Variants in ADGRL1 observed in about 807,000 individuals in gnomAD.
The protein encoded by ADGRL1 is CIRL-1.
ADGRL1 carries 31 observed loss-of-function variants against 148.9 expected under a neutral mutation model. That is an observed-to-expected ratio of 0.21 (90% CI 0.16 to 0.28). The LOEUF (loss-of-function observed/expected upper bound fraction) is 0.28, where lower values mean the gene tolerates loss of function less well. ADGRL1 is among the 10% of genes least tolerant of loss of function. The pLI, the probability that ADGRL1 is intolerant of heterozygous loss-of-function variation, is 1.00. For missense variants in ADGRL1, 1,521 were observed against 2,058.8 expected (o/e 0.74, Z 5.05); for synonymous variants, 937 against 900.3 (o/e 1.04, Z -0.73).
At position 14,155,314 on chromosome 19, in the gene ADGRL1, C is replaced by T. The variant is rs764350201; in HGVS notation, c.3294+45G>A. On this transcript the variant is annotated intron_variant, in intron 18 of 22. Coordinates refer to ENST00000361434, the MANE Select transcript of ADGRL1 (RefSeq NM_014921.5). The surrounding 1 kb of genome is among the most constrained non-coding windows in gnomAD (Gnocchi z 5.0). ...CGCCTTCTCCTGGGTACCCAGGAAA[C>T]GTCTCCAAGGGAGGCTGTGACCCAG... is the stretch of plus-strand genomic sequence containing the variant. 4 of 1,599,372 alleles carry T rather than the reference C, an allele frequency of 2.5e-6. No individual in the cohort carries two copies. The highest frequency in any genetic ancestry group is 3.4e-5 in the Admixed American group (2 of 58,966).
chr19:14,167,832 C>G (rs1970123582), intron 4 of ADGRL1, among the ~76,000 whole-genome samples: 1 of 152,120 alleles, frequency 6.6e-6, no homozygotes. Flanking sequence ...TCCCAGGCTC[C>G]CCAGGGGCAA....
chr19:14,166,792 C>G (rs1970014736), intron 4 of ADGRL1, among the ~76,000 whole-genome samples: 1 of 152,122 alleles, frequency 6.6e-6, no homozygotes, highest in South Asian at 2.1e-4. Context: ...GAAAATCCTG[C>G]CCAAGCTCAG....
At chr19:14,184,824 C>A (rs962226346) in intron 1 of ADGRL1, among the ~76,000 whole-genome samples, 34 of 151,342 alleles carry the variant, frequency 2.2e-4, no homozygotes, top group Non-Finnish European at 4.0e-4. Context: ...TATTTTTAGT[C>A]GAGATGGGGT....
At chr19:14,200,545 C>T (rs1490933889) in intron 1 of ADGRL1, among the ~76,000 whole-genome samples, 2 of 152,194 alleles carry the variant, frequency 1.3e-5, no homozygotes, top group African/African-American at 2.4e-5. Context: ...GTCTGCGGCC[C>T]GCAAAGCTTG....
chr19:14,196,436 T>C (rs1384106984), intron 1 of ADGRL1, among the ~76,000 whole-genome samples: 1 of 152,082 alleles, frequency 6.6e-6, no homozygotes, highest in Admixed American at 6.6e-5. Context: ...CTGGGGAACA[T>C]AGTGAAACCT....
intron 1 of ADGRL1, among the ~76,000 whole-genome samples, chr19:14,199,402 T>C (rs1460100780): frequency 2.0e-5 from 3 of 151,422 alleles, no homozygotes; most frequent in African/African-American, 7.3e-5. Flanking sequence ...GCTATGAGTG[T>C]GTGTGGGTTT....
Position 14,158,796 on chromosome 19 carries a change from G to A in ADGRL1, c.2150-244C>T, listed in dbSNP as rs556467120. 7.9e-5 allele frequency among the ~76,000 whole-genome samples: 12 copies of A among 152,296 alleles called. No individual in the cohort carries two copies. In the South Asian group the frequency reaches 8.3e-4, roughly 11 times the overall value. On this transcript the variant is annotated intron_variant, in intron 11 of 22. Transcript: ENST00000361434. ...GCCAGGACACACAAGCTGGGCCTCC[G>A]ACCCACCCATTCTCACTGTGTGACC...
At chr19:14,153,257 C>CA (rs1294984699) in intron 18 of ADGRL1, among the ~76,000 whole-genome samples, 10 of 152,114 alleles carry the variant, frequency 6.6e-5, no homozygotes, top group East Asian at 3.8e-4. Context: ...ACAACAGACA[C>CA]AAATCCCTAC....
Position 14,151,599 on chromosome 19 carries a change from G to A in ADGRL1, c.3684C>T (p.Gly1228=), listed in dbSNP as rs751020619. Residue 1228 remains glycine, a synonymous_variant, in exon 23 of 23, where the codon GGC becomes GGT. Transcript: ENST00000361434. ...GGGTGTCCATGCCACAGGCTTCCCG[G>A]CCTCCCAAGGGGTGCTCTGCAGGGC... The part of the protein sequence containing the change: ...SYREPKHPLG[G]REACGMDTLP... 6 of 1,602,304 alleles carry A rather than the reference G, an allele frequency of 3.7e-6. No homozygotes were observed. Among genetic ancestry groups the A allele is most frequent in the Admixed American group, 1.7e-5 (1 of 59,424 alleles).
In ADGRL1 at chr19:14,162,331, C is replaced by T. The variant is rs1305262516; in HGVS notation, c.1195+275G>A. Among the ~76,000 whole-genome samples the T allele has an allele frequency of 6.6e-6, 1 of 152,174 alleles. No individual in the cohort carries two copies. Among genetic ancestry groups the T allele is most frequent in the East Asian group, 1.9e-4 (1 of 5,198 alleles). On this transcript the variant is annotated intron_variant, in intron 5 of 22. Transcript: ENST00000361434. The surrounding 1 kb of genome is among the most constrained non-coding windows in gnomAD (Gnocchi z 5.4). The stretch of plus-strand genomic sequence containing the variant: ...AGTTCAGTGGTTGGGAGGCTGGGTT[C>T]AAATCCTCAAATAACTTAATCCCCT...
In ADGRL1 at chr19:14,158,128, C is replaced by T. The variant is rs1968957790; in HGVS notation, c.2365-76G>A. On this transcript the variant is annotated intron_variant, in intron 12 of 22. Coordinates refer to ENST00000361434, the MANE Select transcript of ADGRL1 (RefSeq NM_014921.5). ...TCCCATTCCGACCCCCCACACCTGG[C>T]AACAGGGATGGTACCAAGTATCAAA... The T allele has an allele frequency of 3.4e-6, 5 of 1,479,556 alleles. No homozygotes were observed. In the South Asian group the frequency reaches 5.9e-5, roughly 18 times the overall value. 91.7% of individuals were successfully genotyped at this position (1,479,556 alleles called of 1,614,324 possible).
Position 14,158,444 on chromosome 19 carries a change from C to T in ADGRL1, c.2258G>A (p.Gly753Asp). Residue 753 changes from glycine (G) to aspartate (D), a missense_variant, in exon 12 of 23, where the codon GGC (glycine) becomes GAC (aspartate). Transcript: ENST00000361434. ...CTGTGAGTTCACCACTAGAGAGGCG[C>T]CCCCAGGGCCACCCGGGCCTGCTTC... ...AGEAGPGGPG[G>D]ASLVVNSQVI... 6.2e-7 allele frequency: 1 copy of T among 1,613,798 alleles called. No homozygotes were observed.
At chr19:14,199,079 T>C (rs1445603130) in intron 1 of ADGRL1, among the ~76,000 whole-genome samples, 1 of 152,156 alleles carries the variant, frequency 6.6e-6, no homozygotes, top group Non-Finnish European at 1.5e-5. Context: ...GACAGGGGCA[T>C]GGTGCCTAGC....
chr19:14,196,278 T>A (rs540983399), intron 1 of ADGRL1, among the ~76,000 whole-genome samples: 16 of 152,346 alleles, frequency 1.1e-4, no homozygotes, highest in African/African-American at 3.6e-4. Context: ...GAACCCTCCG[T>A]GGCTCCCACC....
chr19:14,159,170 A>C lies in ADGRL1; in HGVS notation c.2069T>G (p.Leu690Arg), dbSNP rs1237651261. The change falls in exon 11 of 23, where the codon CTG becomes CGG. Residue 690 changes from leucine to arginine, a missense_variant. By Grantham distance (102) the Leu-to-Arg change is moderately radical (BLOSUM62 -2). Around this residue, in one of 8 missense-constraint regions of ADGRL1, gnomAD observed 265 missense variants for 431.9 expected, o/e 0.61. Transcript: ENST00000361434. The surrounding 1 kb of genome is among the most constrained non-coding windows in gnomAD (Gnocchi z 6.0). The part of the protein sequence containing the change: ...VLNTEGQVQE[L>R]VFPQEEYPRK... ...CGGGTACTCCTCCTGGGGGAACACC[A>C]GCTCCTGCACCTGGCCCTCTGTGTT... 1 of 1,614,102 alleles carries C rather than the reference A, an allele frequency of 6.2e-7. No homozygotes were observed. The highest frequency in any genetic ancestry group is 8.5e-7 in the Non-Finnish European group (1 of 1,179,998).
intron 2 of ADGRL1, 100 bp from the exon 3 acceptor site, chr19:14,177,844 C>T (rs1330683768): frequency 1.8e-6 from 2 of 1,084,420 alleles, no homozygotes; most frequent in Non-Finnish European, 2.6e-6. Context: ...TCGGCTGTGT[C>T]CTGGAAGCCA....
intron 3 of ADGRL1, among the ~76,000 whole-genome samples, chr19:14,172,962 A>T (rs1478734539): frequency 6.6e-6 from 1 of 151,382 alleles, no homozygotes; most frequent in African/African-American, 2.4e-5. Context: ...AACGTATTTT[A>T]TTATTATTAT....
Position 14,160,886 on chromosome 19 carries a change from C to T in ADGRL1, c.1511-190G>A, listed in dbSNP as rs1357553406. Among the ~76,000 whole-genome samples the T allele has an allele frequency of 1.3e-5, 2 of 152,262 alleles. No individual in the cohort carries two copies. The highest frequency in any genetic ancestry group is 3.9e-4 in the East Asian group (2 of 5,170). ...AGAGGCGCCACTCACTTCCCCTGAG[C>T]TCTCCCTCCTGCCCCCTTCTGTCTT... On this transcript the variant is annotated intron_variant, in intron 6 of 22. Coordinates refer to ENST00000361434, the MANE Select transcript of ADGRL1 (RefSeq NM_014921.5). This position sits in a 1 kb window ranked among gnomAD's most constrained non-coding sequence, Gnocchi z 5.9.
At chr19:14,202,107 G>A (rs1972652779) in intron 1 of ADGRL1, among the ~76,000 whole-genome samples, 1 of 152,096 alleles carries the variant, frequency 6.6e-6, no homozygotes, top group Non-Finnish European at 1.5e-5. Context: ...GGGAGGAGAT[G>A]GCCCAGAAAG....
Sources: allele counts gnomAD v4.1 joint callset (sites outside exome capture counted in the v4.1 genomes callset), GRCh38; gene constraint gnomAD v4.1.1; regional missense constraint gnomAD v4.1.1; non-coding constraint Gnocchi (gnomAD v3.1); transcripts MANE v1.5; gene names NCBI Gene and HGNC (gene_info 2026-07-23, HGNC 2026-07-21).